Variants in ARHGAP26 observed in about 807,000 individuals in gnomAD.
ARHGAP26 encodes the protein Rho GTPase activating protein 26.
A neutral mutation model predicts 104.8 loss-of-function variants in ARHGAP26; 38 were observed. That is an observed-to-expected ratio of 0.36 (90% CI 0.28 to 0.48). The LOEUF (loss-of-function observed/expected upper bound fraction) is 0.48. Ranked by LOEUF, ARHGAP26 falls within the 20% of genes least tolerant of loss-of-function variation. The pLI is 0.99. For synonymous variants in ARHGAP26, 341 were observed against 340.0 expected (o/e 1.00, Z -0.03); for missense variants, 704 against 947.9 (o/e 0.74, Z 3.38).
intron 1 of ARHGAP26, among the ~76,000 whole-genome samples, chr5:142,781,364 C>CT (rs11332182): frequency 8.6e-5 from 13 of 151,840 alleles, no homozygotes; most frequent in Admixed American, 1.3e-4. Context: ...ATATGGTTAA[C>CT]TTTTTTTTTC....
At chr5:143,053,819 A>G (rs1785382883) in intron 14 of ARHGAP26, among the ~76,000 whole-genome samples, 1 of 152,242 alleles carries the variant, frequency 6.6e-6, no homozygotes, top group Non-Finnish European at 1.5e-5. Context: ...CCTTGTTCAT[A>G]TAAAAAGTTC....
chr5:142,996,861 A>AAG (rs1052369549), intron 11 of ARHGAP26, among the ~76,000 whole-genome samples: 6 of 151,640 alleles, frequency 4.0e-5, no homozygotes, highest in African/African-American at 9.7e-5. Flanking sequence ...GGCTTATAGA[A>AAG]AGAGAGAGAG....
rs2152469452 is a variant in ARHGAP26, at chr5:142,907,802, G to T, written c.931G>T (p.Gly311Trp). ...ATTTGACCAAAAGTCAGGAGGAAAA[G>T]GGGTGAGTTCATTTTTAAAATTTGA... ...VPFDQKSGGK[G>W]GEDESVILKS... The change falls in exon 9 of 23, where the codon GGG (glycine) becomes TGG (tryptophan). Residue 311 changes from glycine to tryptophan, a missense_variant and splice_region_variant. Around this residue, in one of 6 missense-constraint regions of ARHGAP26, gnomAD observed 287 missense variants for 438.8 expected, o/e 0.65. Coordinates refer to ENST00000645722, the MANE Select transcript of ARHGAP26 (RefSeq NM_001135608.3). 6.2e-7 allele frequency: 1 copy of T among 1,604,430 alleles called. No individual in the cohort carries two copies. Among genetic ancestry groups the T allele is most frequent in the East Asian group, 2.2e-5 (1 of 44,804 alleles).
At chr5:143,029,431 C>G (rs1781563468) in intron 12 of ARHGAP26, among the ~76,000 whole-genome samples, 1 of 115,036 alleles carries the variant, frequency 8.7e-6, no homozygotes, top group African/African-American at 3.1e-5. Context: ...TTGAGGCAGG[C>G]TCTCACTCTG....
intron 11 of ARHGAP26, among the ~76,000 whole-genome samples, chr5:142,951,521 T>C (rs1768384285): frequency 6.6e-6 from 1 of 152,230 alleles, no homozygotes; most frequent in Non-Finnish European, 1.5e-5. Flanking sequence ...GGATTTGGGC[T>C]GGGGTCTAAT....
chr5:143,062,285 T>G (rs1786826053), intron 17 of ARHGAP26, among the ~76,000 whole-genome samples: 1 of 152,250 alleles, frequency 6.6e-6, no homozygotes, highest in Non-Finnish European at 1.5e-5. Flanking sequence ...AAATTGACTT[T>G]ACTCCATTGC....
In ARHGAP26 at chr5:142,891,386, T is replaced by A. The variant is rs868717417; in HGVS notation, c.487-2852T>A. ...TACTCAGCAGACTGGCTTTTGAGTA[T>A]GAGAATGTCCATTGCTGTGGGAGGA... On this transcript the variant is annotated intron_variant, in intron 5 of 22. Coordinates refer to ENST00000645722, the MANE Select transcript of ARHGAP26 (RefSeq NM_001135608.3). 8.7e-4 allele frequency among the ~76,000 whole-genome samples: 132 copies of A among 152,110 alleles called. 3 individuals carry two copies. The highest frequency in any genetic ancestry group is 2.9e-3 in the African/African-American group (122 of 41,370).
rs3059587 is a variant in ARHGAP26 at position 142,791,082 on chromosome 5, GT to G, written c.154+20182del. ...TCCTTAGGGTTTATTTTGCTTTAAA[GT>G]TTTTTTTTTTTTTTGAGACAGAGTC... On this transcript the variant is annotated intron_variant, in intron 1 of 22. Transcript: ENST00000645722. 3.0e-3 allele frequency among the ~76,000 whole-genome samples: 434 copies of G among 142,770 alleles called. 3 individuals are homozygous for G. The highest frequency in any genetic ancestry group is 0.022 in the Middle Eastern group (6 of 278). 93.7% of individuals were successfully genotyped at this position (142,770 alleles called of 152,430 possible).
At chr5:143,016,702 CAAA>C (rs5871833) in intron 12 of ARHGAP26, among the ~76,000 whole-genome samples, 9 of 126,348 alleles carry the variant, frequency 7.1e-5, no homozygotes, top group African/African-American at 1.8e-4. Context: ...GACTCTGTCT[CAAA>C]AAAAAAAAAA....
At chr5:142,948,533 A>G (rs1767527869) in intron 11 of ARHGAP26, among the ~76,000 whole-genome samples, 1 of 152,026 alleles carries the variant, frequency 6.6e-6, no homozygotes, top group Non-Finnish European at 1.5e-5. Context: ...ATGTTGTAAA[A>G]GCAAGTGTGA....
At chr5:143,031,236 A>T (rs1781791723) in intron 12 of ARHGAP26, among the ~76,000 whole-genome samples, 1 of 152,242 alleles carries the variant, frequency 6.6e-6, no homozygotes, top group South Asian at 2.1e-4. Flanking sequence ...TTTGTGAGCA[A>T]GTAAGGATTG....
In ARHGAP26 at chr5:143,147,221, TC is replaced by T. The variant is rs751856286; in HGVS notation, c.1838-3del. The T allele has an allele frequency of 1.2e-6, 2 of 1,612,656 alleles. No homozygotes were observed. Among genetic ancestry groups the T allele is most frequent in the African/African-American group, 1.3e-5 (1 of 74,964 alleles). The stretch of plus-strand genomic sequence containing the variant: ...ATATTAATATGGGACTTGTGGCTTT[TC>T]CCCCCCAGAGGAACAAAGGAACAGC... On this transcript the variant is annotated splice_polypyrimidine_tract_variant and intron_variant, in intron 19 of 22. Coordinates refer to ENST00000645722, the MANE Select transcript of ARHGAP26 (RefSeq NM_001135608.3).
At chr5:143,089,372 T>C (rs1174049760) in intron 17 of ARHGAP26, among the ~76,000 whole-genome samples, 2 of 152,354 alleles carry the variant, frequency 1.3e-5, no homozygotes, top group Admixed American at 1.3e-4. Context: ...GAGGCTATTA[T>C]TCTTTTCCAT....
intron 12 of ARHGAP26, among the ~76,000 whole-genome samples, chr5:143,020,183 C>G (rs1209670738): frequency 1.3e-5 from 2 of 152,206 alleles, no homozygotes; most frequent in East Asian, 3.8e-4. Context: ...CCTGGCCTCA[C>G]GTGATCCTTC....
intron 17 of ARHGAP26, among the ~76,000 whole-genome samples, chr5:143,107,919 TA>T (rs1794246634): frequency 6.6e-6 from 1 of 152,222 alleles, no homozygotes; most frequent in African/African-American, 2.4e-5. Context: ...TGTGTTGAAG[TA>T]AGAACTTTAT....
intron 1 of ARHGAP26, among the ~76,000 whole-genome samples, chr5:142,859,427 G>C (rs1227555069): frequency 6.6e-6 from 1 of 152,030 alleles, no homozygotes; most frequent in African/African-American, 2.4e-5. Flanking sequence ...TTCTTTTCTG[G>C]TTTCTTTCCT....
At chr5:142,890,150 AAATATATATATATATATAT>A (rs1265518793) in intron 5 of ARHGAP26, among the ~76,000 whole-genome samples, 19 of 70,960 alleles carry the variant, frequency 2.7e-4, no homozygotes, top group African/African-American at 7.2e-4. Flanking sequence ...AAAAAAAAAA[AAATATATATATATATATAT>A]ATATATATAT....
At chr5:142,784,923 ATTT>A (rs35315311) in intron 1 of ARHGAP26, among the ~76,000 whole-genome samples, 3 of 118,114 alleles carry the variant, frequency 2.5e-5, no homozygotes, top group Admixed American at 8.6e-5. Context: ...CTTCCTTAGG[ATTT>A]TTTTTTTTTT....
chr5:143,135,640 TG>T (rs1797826658), intron 19 of ARHGAP26, among the ~76,000 whole-genome samples: 1 of 152,256 alleles, frequency 6.6e-6, no homozygotes, highest in Admixed American at 6.5e-5. Flanking sequence ...ATCATGTGGC[TG>T]TACCTTGGTA....
Sources: gnomAD v4.1 joint callset for allele counts (sites outside exome capture counted in the v4.1 genomes callset) on GRCh38, gnomAD v4.1.1 for gene constraint, gnomAD v4.1.1 regional missense constraint, MANE v1.5 for transcripts, NCBI Gene and HGNC (gene_info 2026-07-23, HGNC 2026-07-21) for gene names.